Variants in DCAF8L2 observed in about 807,000 individuals in gnomAD.
DCAF8L2 encodes the protein DDB1- and CUL4-associated factor 8-like protein 2.
For synonymous variants in DCAF8L2, 200 were observed against 190.9 expected (o/e 1.05, Z -0.39); for missense variants, 430 against 490.7 (o/e 0.88, Z 1.17).
chrX:27,684,171 A>G (rs1569181423), intron 3 of DCAF8L2, among the ~76,000 whole-genome samples: 1 of 111,971 alleles, frequency 8.9e-6, no homozygotes, highest in Non-Finnish European at 1.9e-5. Context: ...TCTACCCTCA[A>G]AGAGCTAACG....
the DCAF8L2 span, among the ~76,000 whole-genome samples, chrX:27,491,397 G>A: frequency 8.9e-6 from 1 of 112,042 alleles, no homozygotes; most frequent in South Asian, 3.7e-4. Flanking sequence ...TTGGTAACAT[G>A]GCTTTTATTT....
chrX:27,631,119 A>G (rs767843885), intron 1 of DCAF8L2, among the ~76,000 whole-genome samples: 9 of 111,800 alleles, frequency 8.1e-5, no homozygotes, highest in Non-Finnish European at 7.5e-5. Context: ...GTAATACCCA[A>G]CGTTAACGAA....
chrX:27,709,108 A>G (rs5926874), intron 3 of DCAF8L2, among the ~76,000 whole-genome samples: 49,421 of 109,012 alleles, frequency 0.45, 8,178 homozygotes, highest in Middle Eastern at 0.53. Context: ...TTTAGTAGAG[A>G]CAGGGTTTCT....
chrX:27,601,285 A>G (rs961791287), intron 1 of DCAF8L2, among the ~76,000 whole-genome samples: 2 of 112,254 alleles, frequency 1.8e-5, no homozygotes, highest in African/African-American at 6.5e-5. Context: ...TCACTCATAT[A>G]GGCCAGTAAT....
At chrX:27,554,740 T>G in the DCAF8L2 span, among the ~76,000 whole-genome samples, 2 of 111,388 alleles carry the variant, frequency 1.8e-5, no homozygotes, top group Non-Finnish European at 3.8e-5. Context: ...CTTTTAGTCA[T>G]CAAATTTCTT....
intron 2 of DCAF8L2, among the ~76,000 whole-genome samples, chrX:27,667,941 A>G (rs982034545): frequency 8.9e-6 from 1 of 112,148 alleles, no homozygotes; most frequent in Admixed American, 9.5e-5. Flanking sequence ...AGAAACCATG[A>G]TGTCCTTTCA....
intron 3 of DCAF8L2, among the ~76,000 whole-genome samples, chrX:27,690,520 G>A (rs1414698408): frequency 1.8e-5 from 2 of 110,521 alleles, no homozygotes; most frequent in African/African-American, 6.6e-5. Context: ...ACCAGAGTTC[G>A]GCACTCTTGC....
the DCAF8L2 span, among the ~76,000 whole-genome samples, chrX:27,525,455 G>T: frequency 8.9e-6 from 1 of 111,837 alleles, no homozygotes; most frequent in Non-Finnish European, 1.9e-5. Flanking sequence ...CCTGAATAGA[G>T]CACACTGATA....
the DCAF8L2 span, among the ~76,000 whole-genome samples, chrX:27,554,312 A>G: frequency 8.9e-6 from 1 of 111,923 alleles, no homozygotes; most frequent in Non-Finnish European, 1.9e-5. Context: ...AGGGGCAGAA[A>G]AAACTGAGGA....
At chrX:27,711,713 G>A (rs779553876) in intron 3 of DCAF8L2, among the ~76,000 whole-genome samples, 28 of 109,982 alleles carry the variant, frequency 2.5e-4, no homozygotes, top group Non-Finnish European at 4.9e-4. Context: ...GAGTAATGCT[G>A]GCCTCATAAA....
At chrX:27,746,551 T>G (rs1204239983) in intron 4 of DCAF8L2, among the ~76,000 whole-genome samples, 3 of 111,616 alleles carry the variant, frequency 2.7e-5, no homozygotes, top group Non-Finnish European at 5.6e-5. Flanking sequence ...AATAAGAACA[T>G]TTTCCAAGGT....
At chrX:27,614,394 A>T (rs1318631461) in intron 1 of DCAF8L2, among the ~76,000 whole-genome samples, 1 of 110,715 alleles carries the variant, frequency 9.0e-6, no homozygotes, top group African/African-American at 3.3e-5. Context: ...TGATCTTTTC[A>T]AAATACCAGC....
the DCAF8L2 span, chrX:27,518,236 G>T: frequency 1.1e-6 from 1 of 874,582 alleles, no homozygotes; most frequent in Admixed American, 2.2e-5. Context: ...TTATAATAAA[G>T]AGATTCATAA....
intron 2 of DCAF8L2, among the ~76,000 whole-genome samples, chrX:27,670,166 G>A (rs953921664): frequency 7.1e-5 from 6 of 85,007 alleles, no homozygotes; most frequent in Non-Finnish European, 1.4e-4. Context: ...AGTTTTGTTT[G>A]GTTTTATTTT....
At chrX:27,735,570 A>G (rs781336805) in intron 4 of DCAF8L2, among the ~76,000 whole-genome samples, 2 of 112,500 alleles carry the variant, frequency 1.8e-5, no homozygotes, top group South Asian at 3.7e-4. Flanking sequence ...TGTGTCATCA[A>G]CTTTAACTAG....
chrX:27,549,684 T>C, the DCAF8L2 span, among the ~76,000 whole-genome samples: 1 of 111,478 alleles, frequency 9.0e-6, no homozygotes. Context: ...TACATACATA[T>C]TGCACAATTC....
intron 1 of DCAF8L2, among the ~76,000 whole-genome samples, chrX:27,591,040 T>G (rs1038394342): frequency 5.1e-5 from 5 of 97,188 alleles, no homozygotes; most frequent in African/African-American, 1.8e-4. Context: ...TAGGTTACAT[T>G]ACATTTTATA....
At chrX:27,517,497 GAAAAA>G in the DCAF8L2 span, among the ~76,000 whole-genome samples, 29 of 81,694 alleles carry the variant, frequency 3.5e-4, no homozygotes, top group East Asian at 4.8e-3. Context: ...ACCTTCAACA[GAAAAA>G]AAAAAAAAGA....
At chrX:27,536,500 T>A in the DCAF8L2 span, among the ~76,000 whole-genome samples, 1 of 112,673 alleles carries the variant, frequency 8.9e-6, no homozygotes, top group Non-Finnish European at 1.9e-5. Flanking sequence ...TGTTATATTT[T>A]GAAATGAAAA....
Sources: gnomAD v4.1 joint callset for allele counts (sites outside exome capture counted in the v4.1 genomes callset) on GRCh38, gnomAD v4.1.1 for gene constraint, MANE v1.5 for transcripts, NCBI Gene and HGNC (gene_info 2026-07-23, HGNC 2026-07-21) for gene names.